The following RYR2 variants were observed in gnomAD, a reference collection of about 807,000 sequenced individuals.
RYR2 encodes cardiac muscle ryanodine receptor-calcium release channel.
RYR2 carries 227 observed loss-of-function variants against 601.1 expected under a neutral mutation model. The ratio of observed to expected loss-of-function variants is 0.38; its 90% CI spans 0.34 to 0.42. The LOEUF (loss-of-function observed/expected upper bound fraction) is 0.42, where lower values mean the gene tolerates loss of function less well. Ranked by LOEUF, RYR2 falls within the 10% of genes least tolerant of loss-of-function variation. The pLI, the probability that RYR2 is intolerant of heterozygous loss-of-function variation, is 1.00. For synonymous variants in RYR2, 2,223 were observed against 2,175.1 expected (o/e 1.02, Z -0.61); for missense variants, 4,646 against 6,156.5 (o/e 0.75, Z 8.21).
rs57360419 is a variant in RYR2, at chr1:237,792,107, C to T, written c.13566C>T (p.Val4522=). The stretch of plus-strand genomic sequence containing the variant: ...CTACTTTAAATGCTTTGAATCAGGT[C>T]TCCACTTCTTCTGTGGTTGAAGGAA... ...AINFILLFYK[V]STSSVVEGKE... The change falls in exon 94 of 105, where the codon GTC becomes GTT. Residue 4522 remains valine, a splice_region_variant and synonymous_variant. Transcript: ENST00000366574. 1,053 of 1,588,656 alleles carry T rather than the reference C, an allele frequency of 6.6e-4. 5 individuals carry two copies. In the African/African-American group the frequency reaches 0.011, roughly 17 times the overall value.
At chr1:237,297,093 G>A (rs1306065400) in intron 2 of RYR2, among the ~76,000 whole-genome samples, 2 of 152,022 alleles carry the variant, frequency 1.3e-5, no homozygotes, top group African/African-American at 4.8e-5. Flanking sequence ...AAAAATCAGG[G>A]ATGTAAAAGG....
At chr1:237,781,130 C>A (rs1348138928) in intron 88 of RYR2, among the ~76,000 whole-genome samples, 2 of 152,212 alleles carry the variant, frequency 1.3e-5, no homozygotes, top group South Asian at 2.1e-4. Context: ...CTCACTGCAA[C>A]CTCCGCCTCC....
chr1:237,411,418 A>G (rs1704439576), intron 10 of RYR2, among the ~76,000 whole-genome samples: 1 of 152,196 alleles, frequency 6.6e-6, no homozygotes, highest in Non-Finnish European at 1.5e-5. Context: ...CGATTTTATA[A>G]TTTAGGGACT....
rs568068397 is a variant in RYR2 at position 237,779,397 on chromosome 1, G to T, written c.11880+627G>T. Among the ~76,000 whole-genome samples, 12 of 152,274 alleles carry T rather than the reference G, an allele frequency of 7.9e-5. No individual in the cohort carries two copies. In the South Asian group the frequency reaches 2.5e-3, roughly 32 times the overall value. On this transcript the variant is annotated intron_variant, in intron 88 of 104. Transcript: ENST00000366574. ...AACAAAAAGATACACAAACAGAAAA[G>T]TTCTTGTGAATGTGTCTCTTCAATG... is the stretch of plus-strand genomic sequence containing the variant.
intron 2 of RYR2, among the ~76,000 whole-genome samples, chr1:237,281,022 T>A (rs1306559453): frequency 1.3e-5 from 2 of 152,086 alleles, no homozygotes; most frequent in Admixed American, 6.6e-5. Flanking sequence ...TGACCTTAGG[T>A]GATCCGCCTG....
At chr1:237,605,613 G>A (rs544580723) in intron 35 of RYR2, among the ~76,000 whole-genome samples, 8 of 152,242 alleles carry the variant, frequency 5.3e-5, no homozygotes, top group South Asian at 4.2e-4. Flanking sequence ...ATTAGGAAAA[G>A]AGGAAGTCAA....
At chr1:237,667,088 A>G (rs890152252) in intron 57 of RYR2, among the ~76,000 whole-genome samples, 1 of 152,176 alleles carries the variant, frequency 6.6e-6, no homozygotes, top group Non-Finnish European at 1.5e-5. Flanking sequence ...AGAGACATTG[A>G]TTGCATTTGC....
intron 48 of RYR2, among the ~76,000 whole-genome samples, chr1:237,645,070 T>C (rs1681986953): frequency 6.6e-6 from 1 of 152,084 alleles, no homozygotes; most frequent in Non-Finnish European, 1.5e-5. Flanking sequence ...AGGCAGGAAG[T>C]GCATGCTATA....
chr1:237,612,867 ACT>A (rs1678043101), intron 36 of RYR2, among the ~76,000 whole-genome samples: 1 of 152,158 alleles, frequency 6.6e-6, no homozygotes, highest in African/African-American at 2.4e-5. Context: ...GATAATGTAA[ACT>A]CTCACTAAAG....
At chr1:237,308,789 G>A (rs1694195933) in intron 2 of RYR2, among the ~76,000 whole-genome samples, 6 of 152,226 alleles carry the variant, frequency 3.9e-5, no homozygotes, top group Admixed American at 3.9e-4. Context: ...AGGGACCTGA[G>A]CAGGTTGCCT....
chr1:237,344,040 C>G (rs534603400), intron 3 of RYR2, among the ~76,000 whole-genome samples: 1 of 152,278 alleles, frequency 6.6e-6, no homozygotes, highest in South Asian at 2.1e-4. Context: ...CCAGGCTGGT[C>G]TCGAACTCCT....
chr1:237,185,865 C>A (rs1255608916), intron 1 of RYR2, among the ~76,000 whole-genome samples: 1 of 152,180 alleles, frequency 6.6e-6, no homozygotes, highest in Non-Finnish European at 1.5e-5. Flanking sequence ...TTTTTGTACA[C>A]CAAGGTTAAA....
intron 10 of RYR2, among the ~76,000 whole-genome samples, chr1:237,390,346 C>T (rs1394080578): frequency 1.3e-5 from 2 of 152,128 alleles, no homozygotes; most frequent in Non-Finnish European, 2.9e-5. Flanking sequence ...TGCCACTTAC[C>T]AGTTGTGTGA....
At chr1:237,501,878 C>T (rs1320306837) in intron 21 of RYR2, among the ~76,000 whole-genome samples, 1 of 152,190 alleles carries the variant, frequency 6.6e-6, no homozygotes, top group Non-Finnish European at 1.5e-5. Context: ...CAGTAGTTTG[C>T]ACCTGTAATC....
chr1:237,826,984 T>C (rs1268464220), intron 101 of RYR2, among the ~76,000 whole-genome samples: 2 of 152,026 alleles, frequency 1.3e-5, no homozygotes, highest in African/African-American at 2.4e-5. Flanking sequence ...CAACTTGGAG[T>C]GTGGTGTTTT....
chr1:237,117,671 C>CTCTTCTCTTCTCTTCTCTTCTCTTCT, intron 1 of RYR2, among the ~76,000 whole-genome samples: 1 of 64,530 alleles, frequency 1.5e-5, no homozygotes, highest in African/African-American at 5.6e-5. Context: ...CTCTTCTCTT[C>CTCTTCTCTTCTCTTCTCTTCTCTTCT]CTTCTCTTCT....
chr1:237,055,453 A>C (rs1661872039), intron 1 of RYR2, among the ~76,000 whole-genome samples: 1 of 152,170 alleles, frequency 6.6e-6, no homozygotes, highest in South Asian at 2.1e-4. Context: ...GACAGTCACC[A>C]CGGAGCTGGT....
intron 10 of RYR2, 99 bp downstream of exon 10, chr1:237,388,282 A>G (rs576193785): frequency 5.4e-6 from 5 of 922,968 alleles, no homozygotes; most frequent in Non-Finnish European, 5.1e-6. Context: ...GTAGCATCAT[A>G]CAAGATGGGC....
At chr1:237,696,483 A>C (rs1342594066) in intron 63 of RYR2, among the ~76,000 whole-genome samples, 10 of 149,352 alleles carry the variant, frequency 6.7e-5, no homozygotes, top group East Asian at 5.9e-4. Context: ...AATTAAATGT[A>C]TGTTTACAAT....
Sources: allele counts gnomAD v4.1 joint callset (sites outside exome capture counted in the v4.1 genomes callset), GRCh38; gene constraint gnomAD v4.1.1; transcripts MANE v1.5; gene names NCBI Gene and HGNC (gene_info 2026-07-23, HGNC 2026-07-21).